CEACAM7: variants seen among roughly 807,000 people sequenced by gnomAD.
CEACAM7 encodes the protein cell adhesion molecule CEACAM7.
In CEACAM7, 24 loss-of-function variants were observed where a neutral mutation model predicts 25.7. The observed-to-expected ratio is 0.93, with a 90% CI of 0.68 to 1.31. The LOEUF is 1.31. CEACAM7 is among the 40% of genes most tolerant of loss of function. CEACAM7 has a pLI of 0.00. For synonymous variants in CEACAM7, 144 were observed against 129.4 expected, an observed-to-expected ratio of 1.11 and a Z score of -0.77; for missense variants, 324 against 330.1, an observed-to-expected ratio of 0.98 and a Z score of 0.14.
chr19:41,685,101 G>A (rs1270655901), intron 2 of CEACAM7, among the ~76,000 whole-genome samples: 3 of 152,216 alleles, frequency 2.0e-5, no homozygotes, highest in East Asian at 1.9e-4. Flanking sequence ...GAGGTCCCAG[G>A]AATGACTGGA....
chr19:41,683,337 G>GA (rs2122727378), intron 3 of CEACAM7, among the ~76,000 whole-genome samples: 1 of 152,342 alleles, frequency 6.6e-6, no homozygotes, highest in East Asian at 1.9e-4. Flanking sequence ...AAGAGTCTAA[G>GA]GTTTGCTCCT....
rs1458719166 is a variant in CEACAM7 at position 41,674,676 on chromosome 19, T to C, written c.*100A>G. ...TATAGGTCTTCAGGAAGAGAGCAGG[T>C]CTTATACTTAGTGATGCCACAGGAG... On this transcript the variant is annotated 3_prime_UTR_variant, in exon 5 of 5. Transcript: ENST00000401731. 3.5e-6 allele frequency: 1 copy of C among 288,160 alleles called. No individual in the cohort carries two copies. Among genetic ancestry groups the C allele is most frequent in the Non-Finnish European group, 6.9e-6 (1 of 144,822 alleles). 17.9% of individuals were successfully genotyped at this position (288,160 alleles called of 1,614,324 possible). A position where few individuals can be genotyped will look rare whatever the true frequency, so the allele number is the denominator to read the frequency against.
At chr19:41,684,863 G>T (rs2072211647) in intron 2 of CEACAM7, among the ~76,000 whole-genome samples, 1 of 152,184 alleles carries the variant, frequency 6.6e-6, no homozygotes, top group South Asian at 2.1e-4. Flanking sequence ...CCCAACACAG[G>T]CATGAGAAAT....
chr19:41,676,107 T>C (rs2122713249), intron 4 of CEACAM7, among the ~76,000 whole-genome samples: 1 of 152,350 alleles, frequency 6.6e-6, no homozygotes, highest in South Asian at 2.1e-4. Context: ...AAACCATTGA[T>C]TTAAGCCCAA....
chr19:41,677,591 T>C, intron 3 of CEACAM7, 88 bp from the exon 4 acceptor site: 1 of 891,280 alleles, frequency 1.1e-6, no homozygotes, highest in Non-Finnish European at 1.8e-6. Context: ...TGAAGTCGTT[T>C]CTATTTGTTC....
chr19:41,680,213 T>C (rs2072161231), intron 3 of CEACAM7, among the ~76,000 whole-genome samples: 1 of 151,716 alleles, frequency 6.6e-6, no homozygotes, highest in Admixed American at 6.6e-5. Flanking sequence ...AAGAATAAAG[T>C]TCTTAGGAAT....
chr19:41,684,196 T>C, intron 2 of CEACAM7, 133 bp from the exon 3 acceptor site: 3 of 913,200 alleles, frequency 3.3e-6, no homozygotes, highest in Non-Finnish European at 5.1e-6. Context: ...AAGGTGTGTG[T>C]ATCACAAGAC....
At chr19:41,683,562 C>T (rs1555810877) in intron 3 of CEACAM7, among the ~76,000 whole-genome samples, 1 of 152,232 alleles carries the variant, frequency 6.6e-6, no homozygotes, top group Non-Finnish European at 1.5e-5. Context: ...CCATCACAGG[C>T]TGTGGACCCT....
intron 2 of CEACAM7, 102 bp downstream of exon 2, chr19:41,686,757 A>C (rs2072229056): frequency 1.5e-6 from 2 of 1,303,258 alleles, no homozygotes; most frequent in Admixed American, 4.7e-5. Flanking sequence ...AACACTGGAT[A>C]AAATGTAGAT....
rs1440118341 is a variant in CEACAM7, at chr19:41,683,225, C to A, written c.706+560G>T. ...CATAGCAGGTATAGGATACACTATT[C>A]TTTGCAGTGCTTTGGGGATAAAGAG... On this transcript the variant is annotated intron_variant, in intron 3 of 4. Coordinates refer to ENST00000401731, the MANE Select transcript of CEACAM7 (RefSeq NM_001291485.2). 3.9e-5 allele frequency among the ~76,000 whole-genome samples: 6 copies of A among 152,278 alleles called. No homozygotes were observed. In the East Asian group the frequency reaches 7.7e-4, roughly 20 times the overall value.
chr19:41,683,824 C>T lies in CEACAM7; in HGVS notation c.667G>A (p.Gly223Ser). Reference protein sequence around the residue: ...PYECEIQNPVGASRSDPVTLN... With the variant: ...PYECEIQNPVSASRSDPVTLN... ...GTGACTGGGTCACTGCGGCTGGCAC[C>T]CACTGGGTTCTGTATTTCACATTCA... is the stretch of plus-strand genomic sequence containing the variant. Residue 223 changes from glycine to serine, a missense_variant, in exon 3 of 5, where the codon GGT becomes AGT. Transcript: ENST00000401731. 6.2e-7 allele frequency: 1 copy of T among 1,614,174 alleles called. No individual in the cohort carries two copies. The highest frequency in any genetic ancestry group is 8.5e-7 in the Non-Finnish European group (1 of 1,180,028).
chr19:41,685,313 T>TC (rs1555811098), intron 2 of CEACAM7, among the ~76,000 whole-genome samples: 1 of 150,462 alleles, frequency 6.6e-6, no homozygotes, highest in East Asian at 1.9e-4. Flanking sequence ...GGTGGCTTCT[T>TC]TTTTTTTTAA....
chr19:41,683,132 G>A (rs1324822655), intron 3 of CEACAM7, among the ~76,000 whole-genome samples: 1 of 152,188 alleles, frequency 6.6e-6, no homozygotes, highest in Non-Finnish European at 1.5e-5. Context: ...ACGGTCCAGG[G>A]ATCCATGTAC....
intron 1 of CEACAM7, among the ~76,000 whole-genome samples, chr19:41,687,556 G>A (rs1284560394): frequency 2.0e-5 from 3 of 152,206 alleles, no homozygotes; most frequent in Non-Finnish European, 2.9e-5. Context: ...TCCCTGCTCT[G>A]TTCCCTTTAG....
rs555944696 is a variant in CEACAM7 at position 41,678,986 on chromosome 19, C to T, written c.707-1483G>A. 3.0e-3 allele frequency among the ~76,000 whole-genome samples: 463 copies of T among 152,094 alleles called. 2 individuals carry two copies. The highest frequency in any genetic ancestry group is 5.6e-3 in the Admixed American group (86 of 15,294). On this transcript the variant is annotated intron_variant, in intron 3 of 4. Coordinates refer to ENST00000401731, the MANE Select transcript of CEACAM7 (RefSeq NM_001291485.2). ...ACAACTTAAGGATATAGGAGAAAAA[C>T]AAATGAAACCCAAAGTTAGCCAATG...
At chr19:41,683,562 C>A (rs1555810877) in intron 3 of CEACAM7, among the ~76,000 whole-genome samples, 1 of 152,232 alleles carries the variant, frequency 6.6e-6, no homozygotes, top group African/African-American at 2.4e-5. Flanking sequence ...CCATCACAGG[C>A]TGTGGACCCT....
intron 2 of CEACAM7, among the ~76,000 whole-genome samples, chr19:41,686,464 G>C (rs371553717): frequency 2.0e-5 from 3 of 152,150 alleles, no homozygotes; most frequent in East Asian, 3.9e-4. Context: ...CTGGAGTCAA[G>C]AGCCCTGGGA....
chr19:41,676,216 A>G (rs1555810086), intron 4 of CEACAM7, among the ~76,000 whole-genome samples: 1 of 152,238 alleles, frequency 6.6e-6, no homozygotes, highest in African/African-American at 2.4e-5. Flanking sequence ...CTAGACCATT[A>G]AATCAAAATG....
chr19:41,683,014 G>A (rs781831871), intron 3 of CEACAM7, among the ~76,000 whole-genome samples: 3 of 152,178 alleles, frequency 2.0e-5, no homozygotes, highest in South Asian at 2.1e-4. Flanking sequence ...AGGGTTCAGC[G>A]GGGAGAATTT....
Sources: allele counts gnomAD v4.1 joint callset (sites outside exome capture counted in the v4.1 genomes callset), GRCh38; gene constraint gnomAD v4.1.1; transcripts MANE v1.5; gene names NCBI Gene and HGNC (gene_info 2026-07-23, HGNC 2026-07-21).